The following IGSF11 variants were observed in gnomAD, a reference collection of about 807,000 sequenced individuals.
IGSF11 encodes the protein immunoglobulin superfamily member 11, also known as CXADR like 1.
In IGSF11, 22 loss-of-function variants were observed where a neutral mutation model predicts 41.0. The ratio of observed to expected loss-of-function variants is 0.54; its 90% CI spans 0.38 to 0.77. The LOEUF (loss-of-function observed/expected upper bound fraction) is 0.77, where lower values mean the gene tolerates loss of function less well. Ranked by LOEUF, IGSF11 falls within the 30% of genes least tolerant of loss-of-function variation. The pLI, the probability that IGSF11 is intolerant of heterozygous loss-of-function variation, is 0.00. For synonymous variants in IGSF11, 219 were observed against 201.3 expected, an observed-to-expected ratio of 1.09 and a Z score of -0.74; for missense variants, 444 against 530.8, an observed-to-expected ratio of 0.84 and a Z score of 1.61.
In IGSF11 at chr3:119,034,545, A is replaced by G; in HGVS notation, c.38T>C (p.Leu13Pro). 1 of 1,592,126 alleles carries G rather than the reference A, an allele frequency of 6.3e-7. No homozygotes were observed. The highest frequency in any genetic ancestry group is 1.1e-5 in the South Asian group (1 of 87,530). Residue 13 changes from leucine to proline, a missense_variant, in exon 1 of 7, where the codon CTC becomes CCC. Transcript: ENST00000393775. Reference protein sequence around the residue: ...SQRSPLAPLLLLSLHGVAASL... With the variant: ...SQRSPLAPLLPLSLHGVAASL... ...GAGCTACTCACCGTGCAGAGAGAGG[A>G]GCAGCAAAGGCGCCAGAGGGGAACG... is the stretch of plus-strand genomic sequence containing the variant.
At chr3:119,098,241 A>C (rs891207050) in intron 1 of IGSF11, among the ~76,000 whole-genome samples, 1 of 152,066 alleles carries the variant, frequency 6.6e-6, no homozygotes, top group South Asian at 2.1e-4. Flanking sequence ...CAGATTACTT[A>C]ACCTTTTTTG....
chr3:118,918,908 G>A (rs1387674091), intron 4 of IGSF11, among the ~76,000 whole-genome samples: 2 of 88,050 alleles, frequency 2.3e-5, no homozygotes, highest in Admixed American at 2.4e-4. Context: ...TACCAAAACA[G>A]AGATATAGAT....
intron 1 of IGSF11, among the ~76,000 whole-genome samples, chr3:119,074,182 A>G (rs1331311965): frequency 6.6e-6 from 1 of 152,242 alleles, no homozygotes; most frequent in Admixed American, 6.5e-5. Context: ...AGACATCTAC[A>G]GAACACTCTA....
chr3:118,935,845 C>T (rs1943233648), intron 1 of IGSF11, among the ~76,000 whole-genome samples: 1 of 152,086 alleles, frequency 6.6e-6, no homozygotes, highest in South Asian at 2.1e-4. Context: ...TTTTCTTATT[C>T]TGTTTCATTT....
intron 1 of IGSF11, among the ~76,000 whole-genome samples, chr3:119,060,221 G>A (rs755182070): frequency 3.5e-4 from 53 of 152,276 alleles, no homozygotes; most frequent in Non-Finnish European, 6.2e-4. Context: ...TAGGATTAAA[G>A]TGTTGTGAAA....
chr3:119,035,182 A>G (rs1940833408), upstream of IGSF11, among the ~76,000 whole-genome samples: 2 of 152,222 alleles, frequency 1.3e-5, no homozygotes, highest in South Asian at 4.1e-4. Flanking sequence ...TGCATCCTGG[A>G]GAGCTCTAGC....
At chr3:118,936,377 G>C (rs556017416) in intron 1 of IGSF11, among the ~76,000 whole-genome samples, 1 of 151,682 alleles carries the variant, frequency 6.6e-6, no homozygotes, top group African/African-American at 2.4e-5. Context: ...CGTGGTGGCA[G>C]GTGCCTGTAG....
At chr3:118,990,998 T>C (rs1935742065) in intron 1 of IGSF11, among the ~76,000 whole-genome samples, 1 of 152,182 alleles carries the variant, frequency 6.6e-6, no homozygotes, top group African/African-American at 2.4e-5. Context: ...TGGAATTACC[T>C]AGTCTCTAAG....
intron 1 of IGSF11, among the ~76,000 whole-genome samples, chr3:118,997,534 C>A (rs1174677246): frequency 6.9e-6 from 1 of 144,664 alleles, no homozygotes; most frequent in Non-Finnish European, 1.5e-5. Flanking sequence ...CTGCCCCCCC[C>A]CAGCCACACC....
Position 119,034,591 on chromosome 3 carries a change from C to G in IGSF11, c.-9G>C. On this transcript the variant is annotated 5_prime_UTR_variant, in exon 1 of 7. Coordinates refer to ENST00000393775, the MANE Select transcript of IGSF11 (RefSeq NM_001015887.3). The stretch of plus-strand genomic sequence containing the variant: ...GAACGCTGAGAAGTCATCCCGGGGC[C>G]GCAGGGAGCGCGCCTGCCTCCTACC... The G allele has an allele frequency of 1.3e-6, 2 of 1,585,200 alleles. No homozygotes were observed. The highest frequency in any genetic ancestry group is 2.3e-5 in the South Asian group (2 of 86,414).
chr3:119,046,774 C>A (rs1466319106), intron 1 of IGSF11, among the ~76,000 whole-genome samples: 5 of 151,984 alleles, frequency 3.3e-5, no homozygotes, highest in Non-Finnish European at 7.4e-5. Context: ...CAAAGGGAAG[C>A]CCATCAGACT....
intron 1 of IGSF11, among the ~76,000 whole-genome samples, chr3:119,048,897 C>T (rs1487527362): frequency 6.6e-6 from 1 of 152,142 alleles, no homozygotes; most frequent in African/African-American, 2.4e-5. Context: ...AGACAAAAAC[C>T]ACATGATTAT....
chr3:118,919,376 T>C (rs1275233242), intron 4 of IGSF11, among the ~76,000 whole-genome samples: 1 of 113,426 alleles, frequency 8.8e-6, no homozygotes, highest in Non-Finnish European at 1.7e-5. Context: ...AAAGGGCTAA[T>C]ATCCAGAATC....
intron 1 of IGSF11, among the ~76,000 whole-genome samples, chr3:118,998,098 T>A (rs2107664197): frequency 6.6e-6 from 1 of 152,222 alleles, no homozygotes; most frequent in South Asian, 2.1e-4. Context: ...AATAATATAT[T>A]TTCTTTTAAA....
chr3:118,960,712 T>C (rs2107600706), intron 1 of IGSF11, among the ~76,000 whole-genome samples: 1 of 152,362 alleles, frequency 6.6e-6, no homozygotes, highest in Non-Finnish European at 1.5e-5. Context: ...TCTTTTCCCA[T>C]GCATTTATTG....
At chr3:119,076,469 C>T (rs2076501149) in intron 1 of IGSF11, among the ~76,000 whole-genome samples, 2 of 152,148 alleles carry the variant, frequency 1.3e-5, no homozygotes, top group Admixed American at 1.3e-4. Context: ...TCAGAGTGAA[C>T]AGGCAACCTA....
intron 1 of IGSF11, among the ~76,000 whole-genome samples, chr3:119,054,585 A>T (rs903695559): frequency 1.3e-5 from 2 of 152,330 alleles, no homozygotes; most frequent in African/African-American, 4.8e-5. Context: ...GCTGGTGGGA[A>T]TGTAAACTAG....
chr3:118,902,259 T>C lies in IGSF11; in HGVS notation c.*261A>G. ...TTTTAAGTACTATTCTGCTCTTGTA[T>C]CTTTTTCCTTGGCTTGGCACATCTT... is the stretch of plus-strand genomic sequence containing the variant. On this transcript the variant is annotated 3_prime_UTR_variant, in exon 7 of 7. Coordinates refer to ENST00000393775, the MANE Select transcript of IGSF11 (RefSeq NM_001015887.3). The C allele has an allele frequency of 2.3e-6, 1 of 427,720 alleles. No individual in the cohort carries two copies. The highest frequency in any genetic ancestry group is 4.2e-6 in the Non-Finnish European group (1 of 237,986). 26.5% of individuals were successfully genotyped at this position (427,720 alleles called of 1,614,324 possible).
At chr3:118,951,382 C>G (rs1944558514) in intron 1 of IGSF11, among the ~76,000 whole-genome samples, 1 of 152,068 alleles carries the variant, frequency 6.6e-6, no homozygotes, top group Non-Finnish European at 1.5e-5. Context: ...ACAGGGTACT[C>G]CCCAGTTGGC....
Sources: allele counts gnomAD v4.1 joint callset (sites outside exome capture counted in the v4.1 genomes callset), GRCh38; gene constraint gnomAD v4.1.1; transcripts MANE v1.5; gene names NCBI Gene and HGNC (gene_info 2026-07-23, HGNC 2026-07-21).